Variants in RASGRP1 observed in about 807,000 individuals in gnomAD.
RASGRP1 encodes RAS guanyl releasing protein 1.
RASGRP1 carries 37 observed loss-of-function variants against 95.1 expected under a neutral mutation model. The observed-to-expected ratio is 0.39, with a 90% CI of 0.30 to 0.51. The LOEUF is 0.51. Ranked by LOEUF, RASGRP1 falls within the 20% of genes least tolerant of loss-of-function variation. RASGRP1 has a pLI of 0.80. For synonymous variants in RASGRP1, 325 were observed against 353.4 expected (o/e 0.92, Z 0.90); for missense variants, 711 against 965.4 (o/e 0.74, Z 3.49).
intron 3 of RASGRP1, chr15:38,523,983 C>G (rs778752818): frequency 6.6e-6 from 1 of 152,440 alleles, no homozygotes. Flanking sequence ...GTACTGGTGT[C>G]GAAGCAGAAT....
At chr15:38,557,120 C>T (rs1202940847) in intron 2 of RASGRP1, among the ~76,000 whole-genome samples, 9 of 152,198 alleles carry the variant, frequency 5.9e-5, no homozygotes, top group Admixed American at 2.0e-4. Flanking sequence ...GCATTAGCCT[C>T]ACTCTGTTCT....
chr15:38,490,791 G>T, intron 16 of RASGRP1, 103 bp from the exon 17 acceptor site: 1 of 1,223,746 alleles, frequency 8.2e-7, no homozygotes, highest in Non-Finnish European at 1.1e-6. Context: ...ATTCACTGTG[G>T]CTGAGAATTA....
chr15:38,538,985 G>A (rs564847171), intron 2 of RASGRP1, among the ~76,000 whole-genome samples: 2 of 152,270 alleles, frequency 1.3e-5, no homozygotes, highest in African/African-American at 4.8e-5. Flanking sequence ...AGCGTTTTAT[G>A]AATGACCACT....
intron 6 of RASGRP1, among the ~76,000 whole-genome samples, chr15:38,515,910 A>AGAGAGT (rs779224083): frequency 9.7e-4 from 139 of 143,544 alleles, no homozygotes; most frequent in African/African-American, 3.1e-3. Flanking sequence ...AGAGAGAGAG[A>AGAGAGT]GTGTGTGTGT....
intron 2 of RASGRP1, among the ~76,000 whole-genome samples, chr15:38,537,949 T>C (rs552998779): frequency 7.9e-5 from 12 of 152,296 alleles, no homozygotes; most frequent in Admixed American, 5.9e-4. Flanking sequence ...CTCTATTCAG[T>C]AGTCAAGAGC....
chr15:38,519,208 A>G lies in RASGRP1; in HGVS notation c.389+101T>C, dbSNP rs79422231. ...AGGACTACCCTTTTCCATCTGTCCA[A>G]AGGTGTTCTATAGAGGTCAGGAAAG... is the stretch of plus-strand genomic sequence containing the variant. On this transcript the variant is annotated intron_variant, in intron 4 of 16. Transcript: ENST00000310803. 1,590 of 901,756 alleles carry G rather than the reference A, an allele frequency of 1.8e-3. 19 individuals are homozygous for G. The African/African-American group carries it at 0.023, about 13-fold the overall frequency. 55.9% of individuals were successfully genotyped at this position (901,756 alleles called of 1,614,324 possible). A position where few individuals can be genotyped will look rare whatever the true frequency, so the allele number is the denominator to read the frequency against.
rs1595848108 is a variant in RASGRP1, at chr15:38,516,208, G to A, written c.664C>T (p.Arg222Trp). 2 of 1,595,524 alleles carry A rather than the reference G, an allele frequency of 1.3e-6. No individual in the cohort carries two copies. Among genetic ancestry groups the A allele is most frequent in the Non-Finnish European group, 1.7e-6 (2 of 1,163,410 alleles). ...HLTYLEFKSFRRISFSDYQNY... is the reference protein window; with the variant it reads ...HLTYLEFKSFWRISFSDYQNY... ...CCTTGCATACATACCGATATCCTCC[G>A]GAAAGACTTGAACTCAAGGTAGGTG... Residue 222 changes from arginine to tryptophan, a missense_variant, in exon 6 of 17, where the codon CGG becomes TGG. Physicochemically the swap from Arg to Trp is moderately radical, Grantham distance 101 (BLOSUM62 -3). Around this residue, in one of 3 missense-constraint regions of RASGRP1, gnomAD observed 491 missense variants for 676.6 expected, o/e 0.73. Transcript: ENST00000310803.
intron 2 of RASGRP1, among the ~76,000 whole-genome samples, chr15:38,554,899 A>T (rs907554461): frequency 1.3e-5 from 2 of 152,198 alleles, no homozygotes; most frequent in Non-Finnish European, 1.5e-5. Context: ...TGCCATCAAC[A>T]GTGGCTAAGG....
rs777443051 is a variant in RASGRP1, at chr15:38,494,678, C to T, written c.1963G>A (p.Val655Met). The T allele has an allele frequency of 4.6e-6, 7 of 1,537,034 alleles. No individual in the cohort carries two copies. In the East Asian group the frequency reaches 1.1e-4, roughly 25 times the overall value. Residue 655 changes from valine to methionine, a missense_variant, in exon 16 of 17, where the codon GTG becomes ATG. Physicochemically the swap from Val to Met is conservative, Grantham distance 21. Transcript: ENST00000310803. ...CGAAGAGAAATCTTCTGTGAGGACA[C>T]TCCCATCAGCATGATGGTCCGATCC... ...SKDRTIMLMG[V>M]SSQKISLRLK...
intron 2 of RASGRP1, among the ~76,000 whole-genome samples, chr15:38,531,815 A>G (rs1319408710): frequency 6.6e-6 from 1 of 152,096 alleles, no homozygotes; most frequent in Non-Finnish European, 1.5e-5. Flanking sequence ...CTACTTTTCA[A>G]CGAGAGAATG....
intron 3 of RASGRP1, among the ~76,000 whole-genome samples, chr15:38,523,284 C>G (rs1196189830): frequency 6.6e-6 from 1 of 152,148 alleles, no homozygotes; most frequent in Middle Eastern, 3.2e-3. Flanking sequence ...ATTCCTATTG[C>G]CTCATCCTGT....
At chr15:38,559,774 AAAGT>A in intron 2 of RASGRP1, 43 bp downstream of exon 2, 1 of 1,553,348 alleles carries the variant, frequency 6.4e-7, no homozygotes, top group Non-Finnish European at 8.8e-7. Context: ...AAGGACGAAC[AAAGT>A]AATAGAGTGA....
intron 15 of RASGRP1, among the ~76,000 whole-genome samples, chr15:38,496,113 A>AAGAT (rs1420158788): frequency 2.0e-5 from 3 of 152,192 alleles, no homozygotes; most frequent in East Asian, 3.8e-4. Context: ...GAGATTGAGA[A>AAGAT]AGATAGTAAT....
At chr15:38,503,578 G>T in intron 10 of RASGRP1, 1 of 583,962 alleles carries the variant, frequency 1.7e-6, no homozygotes. Flanking sequence ...GGTTTCCAGA[G>T]TGCTCTTCAC....
At chr15:38,564,224 A>G (rs1023296047) in intron 1 of RASGRP1, among the ~76,000 whole-genome samples, 4 of 152,186 alleles carry the variant, frequency 2.6e-5, no homozygotes, top group Non-Finnish European at 1.5e-5. Context: ...GCGCCCCAGC[A>G]GGTGCGGGCA....
intron 2 of RASGRP1, among the ~76,000 whole-genome samples, chr15:38,544,377 A>G (rs1212266805): frequency 1.3e-5 from 2 of 152,156 alleles, no homozygotes; most frequent in East Asian, 3.9e-4. Context: ...CTGAACACAA[A>G]CTGTTCTCTC....
At chr15:38,509,997 C>T (rs536002345) in intron 8 of RASGRP1, among the ~76,000 whole-genome samples, 2 of 152,326 alleles carry the variant, frequency 1.3e-5, no homozygotes, top group East Asian at 1.9e-4. Flanking sequence ...TCATAAACCT[C>T]TACCAATGGT....
chr15:38,542,298 T>G (rs1892898625), intron 2 of RASGRP1, among the ~76,000 whole-genome samples: 1 of 152,122 alleles, frequency 6.6e-6, no homozygotes, highest in Non-Finnish European at 1.5e-5. Context: ...AGTTACAGGT[T>G]TCTTTGTTTC....
intron 4 of RASGRP1, among the ~76,000 whole-genome samples, chr15:38,518,713 A>G (rs1891883840): frequency 6.6e-6 from 1 of 152,200 alleles, no homozygotes; most frequent in Admixed American, 6.5e-5. Context: ...GATAATTATA[A>G]GGGAGAGAAC....
Sources: allele counts gnomAD v4.1 joint callset (sites outside exome capture counted in the v4.1 genomes callset), GRCh38; gene constraint gnomAD v4.1.1; regional missense constraint gnomAD v4.1.1; transcripts MANE v1.5; gene names NCBI Gene and HGNC (gene_info 2026-07-23, HGNC 2026-07-21).